Variants in EPHA6 observed in about 807,000 individuals in gnomAD.
EPHA6 encodes ephrin type-A receptor 6.
In EPHA6, 50 loss-of-function variants were observed where a neutral mutation model predicts 112.0. The observed-to-expected ratio is 0.45, with a 90% CI of 0.36 to 0.56. The LOEUF is 0.56. Ranked by LOEUF, EPHA6 falls within the 20% of genes least tolerant of loss-of-function variation. EPHA6 has a pLI of 0.00. For missense variants in EPHA6, 1,280 were observed against 1,417.4 expected (o/e 0.90, Z 1.56); for synonymous variants, 529 against 490.7 (o/e 1.08, Z -1.03).
chr3:96,994,210 C>G (rs763533965), intron 3 of EPHA6: 1 of 406,730 alleles, frequency 2.5e-6, no homozygotes, highest in African/African-American at 2.0e-5. Context: ...AAAGCAAACA[C>G]GAATAATTTG....
chr3:97,204,632 G>A (rs2077666664), intron 3 of EPHA6, among the ~76,000 whole-genome samples: 1 of 151,986 alleles, frequency 6.6e-6, no homozygotes, highest in South Asian at 2.1e-4. Context: ...CAGAGAAGAA[G>A]TTTCTATATT....
At chr3:96,922,449 A>G (rs917072972) in intron 2 of EPHA6, among the ~76,000 whole-genome samples, 3 of 151,968 alleles carry the variant, frequency 2.0e-5, no homozygotes, top group African/African-American at 7.3e-5. Flanking sequence ...TTGAAAATAG[A>G]CTACATTTTT....
At chr3:97,373,323 A>G (rs2108990035) in intron 5 of EPHA6, among the ~76,000 whole-genome samples, 1 of 152,222 alleles carries the variant, frequency 6.6e-6, no homozygotes, top group South Asian at 2.1e-4. Context: ...ATGATCTCAC[A>G]TTTCTGAAAT....
chr3:97,695,590 G>A (rs1470811587), intron 14 of EPHA6, among the ~76,000 whole-genome samples: 5 of 152,118 alleles, frequency 3.3e-5, no homozygotes, highest in African/African-American at 7.2e-5. Context: ...CACCAGGCCC[G>A]AATGCAGTGG....
intron 5 of EPHA6, among the ~76,000 whole-genome samples, chr3:97,300,418 C>T (rs903716303): frequency 6.6e-6 from 1 of 152,116 alleles, no homozygotes; most frequent in African/African-American, 2.4e-5. Flanking sequence ...TTTTGTAAGA[C>T]AGTGCTCATA....
chr3:97,377,243 G>T (rs2085422052), intron 5 of EPHA6, among the ~76,000 whole-genome samples: 1 of 152,114 alleles, frequency 6.6e-6, no homozygotes. Flanking sequence ...TAAGTCTCAT[G>T]ATATCTGATA....
chr3:97,332,495 A>G lies in EPHA6; in HGVS notation c.1607-72655A>G, dbSNP rs568029958. ...CCCTGTTTGCAGATGACATGATTGT[A>G]TATCTAGAAAACCCCATCGTCTCAG... is the stretch of plus-strand genomic sequence containing the variant. On this transcript the variant is annotated intron_variant, in intron 5 of 17. Transcript: ENST00000389672. Among the ~76,000 whole-genome samples the G allele has an allele frequency of 1.1e-3, 170 of 152,224 alleles. No homozygotes were observed. The Middle Eastern group carries it at 0.014, about 12-fold the overall frequency.
intron 3 of EPHA6, among the ~76,000 whole-genome samples, chr3:97,122,549 T>A (rs2048070045): frequency 1.3e-5 from 2 of 152,034 alleles, no homozygotes; most frequent in African/African-American, 4.8e-5. Flanking sequence ...ACACTACAAA[T>A]ATCTCTGGGC....
At chr3:97,639,422 A>G (rs2107563219) in intron 14 of EPHA6, among the ~76,000 whole-genome samples, 1 of 152,182 alleles carries the variant, frequency 6.6e-6, no homozygotes, top group East Asian at 1.9e-4. Context: ...CGAATATAAA[A>G]TTTTTCCATT....
chr3:97,027,945 C>T (rs2044699197), intron 3 of EPHA6, among the ~76,000 whole-genome samples: 1 of 152,136 alleles, frequency 6.6e-6, no homozygotes, highest in Non-Finnish European at 1.5e-5. Flanking sequence ...GTATCCTGGT[C>T]CCCAAGGTGG....
chr3:97,699,668 A>G (rs901204709), intron 14 of EPHA6, among the ~76,000 whole-genome samples: 4 of 152,244 alleles, frequency 2.6e-5, no homozygotes, highest in Admixed American at 6.5e-5. Flanking sequence ...AGTCCAACAT[A>G]GAAATTAAAA....
At position 97,017,809 on chromosome 3, in the gene EPHA6, A is replaced by G. The variant is rs572281726; in HGVS notation, c.1114+29816A>G. On this transcript the variant is annotated intron_variant, in intron 3 of 17. Transcript: ENST00000389672. Reference sequence around the variant, plus strand: ...GCTTGGTGTTCTATAACTTTATTGTATTTGGATATGGACATCTTTTTCTAG... The same window carrying G: ...GCTTGGTGTTCTATAACTTTATTGTGTTTGGATATGGACATCTTTTTCTAG... 6.6e-5 allele frequency among the ~76,000 whole-genome samples: 10 copies of G among 152,094 alleles called. No homozygotes were observed. In the East Asian group the frequency reaches 1.9e-3, roughly 30 times the overall value.
At position 97,003,601 on chromosome 3, in the gene EPHA6, T is replaced by G. The variant is rs2043756058; in HGVS notation, c.1114+15608T>G. Among the ~76,000 whole-genome samples the G allele has an allele frequency of 3.9e-5, 6 of 152,132 alleles. No individual in the cohort carries two copies. In the South Asian group the frequency reaches 1.2e-3, roughly 32 times the overall value. The stretch of plus-strand genomic sequence containing the variant: ...TACAAATTAGGATTTTCATGAAAAT[T>G]TATAACTGTAGTGAAGCAATAACTT... On this transcript the variant is annotated intron_variant, in intron 3 of 17. Coordinates refer to ENST00000389672, the MANE Select transcript of EPHA6 (RefSeq NM_001080448.3).
rs9825788 is a variant in EPHA6, at chr3:97,466,212, G to A, written c.1895-9140G>A. 11,902 of 792,380 alleles carry A rather than the reference G, an allele frequency of 0.015. 816 individuals carry two copies. In the African/African-American group the frequency reaches 0.16, roughly 11 times the overall value. 49.1% of individuals were successfully genotyped at this position (792,380 alleles called of 1,614,324 possible). A position where few individuals can be genotyped will look rare whatever the true frequency, so the allele number is the denominator to read the frequency against. The stretch of plus-strand genomic sequence containing the variant: ...TTCCAATCCTATCCATCCAGTTACC[G>A]GGCAAACAGACTTGGGAGGCTGTGT... On this transcript the variant is annotated intron_variant, in intron 7 of 17. Transcript: ENST00000389672.
intron 3 of EPHA6, among the ~76,000 whole-genome samples, chr3:96,990,416 C>G (rs1248479313): frequency 6.6e-6 from 1 of 152,014 alleles, no homozygotes; most frequent in Admixed American, 6.6e-5. Context: ...GGAGTCAGTA[C>G]AGAACAATTG....
intron 3 of EPHA6, among the ~76,000 whole-genome samples, chr3:97,157,570 C>T (rs1227939622): frequency 6.6e-6 from 1 of 152,048 alleles, no homozygotes; most frequent in Non-Finnish European, 1.5e-5. Flanking sequence ...TTGATTGGCT[C>T]ATGTAATTAC....
At chr3:97,644,284 A>G (rs2094037196) in intron 14 of EPHA6, among the ~76,000 whole-genome samples, 1 of 149,814 alleles carries the variant, frequency 6.7e-6, no homozygotes, top group South Asian at 2.2e-4. Context: ...GACGCATTCA[A>G]AGCAGTGTGT....
intron 3 of EPHA6, among the ~76,000 whole-genome samples, chr3:96,995,816 G>A (rs949202019): frequency 2.6e-5 from 4 of 152,116 alleles, no homozygotes; most frequent in Non-Finnish European, 4.4e-5. Flanking sequence ...CATTTTGCTG[G>A]TGGAGAATCT....
At chr3:97,693,433 A>G (rs1437472788) in intron 14 of EPHA6, among the ~76,000 whole-genome samples, 1 of 152,246 alleles carries the variant, frequency 6.6e-6, no homozygotes, top group Non-Finnish European at 1.5e-5. Flanking sequence ...GTATTTGAAG[A>G]ATATAATTAG....
Sources: allele counts gnomAD v4.1 joint callset (sites outside exome capture counted in the v4.1 genomes callset), GRCh38; gene constraint gnomAD v4.1.1; transcripts MANE v1.5; gene names NCBI Gene and HGNC (gene_info 2026-07-23, HGNC 2026-07-21).